Variants in RAD21 observed in about 807,000 individuals in gnomAD.
RAD21 encodes RAD21 cohesin complex component.
Under a neutral mutation model 71.5 loss-of-function variants are expected in RAD21, and 18 were observed. The ratio of observed to expected loss-of-function variants is 0.25; its 90% CI spans 0.17 to 0.37. RAD21 has a LOEUF of 0.37. Among genes scored for constraint, RAD21 ranks in the 10% least tolerant of loss-of-function variants. The probability of loss-of-function intolerance (pLI) is 1.00; values close to 1 mark genes in which losing one functional copy is unlikely to be tolerated. For missense variants in RAD21, 493 were observed against 769.1 expected (o/e 0.64, Z 4.25); for synonymous variants, 248 against 254.0 (o/e 0.98, Z 0.22).
intron 4 of RAD21, among the ~76,000 whole-genome samples, chr8:116,860,500 G>C (rs982317749): frequency 1.3e-5 from 2 of 152,156 alleles, no homozygotes; most frequent in South Asian, 2.1e-4. Context: ...ACCACCACCT[G>C]TATCAGTCAG....
chr8:116,872,541 C>T (rs914253494), intron 1 of RAD21, among the ~76,000 whole-genome samples: 1 of 78,770 alleles, frequency 1.3e-5, no homozygotes, highest in African/African-American at 4.9e-5. Context: ...TATATACATA[C>T]ACACACACAC....
chr8:116,866,102 C>T (rs1331223459), intron 2 of RAD21, among the ~76,000 whole-genome samples: 2 of 152,182 alleles, frequency 1.3e-5, no homozygotes, highest in African/African-American at 4.8e-5. Flanking sequence ...ACTCAACCCT[C>T]CATTCTCTCC....
At position 116,848,945 on chromosome 8, in the gene RAD21, C is replaced by T; in HGVS notation, c.1704+1G>A. 6.2e-7 allele frequency: 1 copy of T among 1,605,696 alleles called. No individual in the cohort carries two copies. Among genetic ancestry groups the T allele is most frequent in the Non-Finnish European group, 8.5e-7 (1 of 1,175,852 alleles). ...TTCCTCTGAGACAACAGCGGCAATACCTGAAGACCATGAAGCATCTGCTGA... is the reference window on the plus strand; with the variant it reads ...TTCCTCTGAGACAACAGCGGCAATATCTGAAGACCATGAAGCATCTGCTGA... On this transcript the variant is annotated splice_donor_variant, in intron 13 of 13. Transcript: ENST00000297338. LOFTEE classifies it high-confidence loss of function.
rs149694404 is a variant in RAD21, at chr8:116,861,428, T to C, written c.374+413A>G. On this transcript the variant is annotated intron_variant, in intron 4 of 13. Coordinates refer to ENST00000297338, the MANE Select transcript of RAD21 (RefSeq NM_006265.3). ...CATAAAAAGTTATCTCGTATGTTCA[T>C]TTAAAACAAAAATAAAAACAAACCA... 4.8e-3 allele frequency among the ~76,000 whole-genome samples: 726 copies of C among 150,648 alleles called. 8 individuals carry two copies. The highest frequency in any genetic ancestry group is 0.017 in the African/African-American group (686 of 40,940).
At chr8:116,872,539 T>TACACACACACAC (rs5894355) in intron 1 of RAD21, among the ~76,000 whole-genome samples, 7 of 148,248 alleles carry the variant, frequency 4.7e-5, no homozygotes, top group African/African-American at 1.2e-4. Flanking sequence ...TATATATACA[T>TACACACACACAC]ACACACACAC....
chr8:116,861,970 T>C, intron 3 of RAD21, 30 bp from the exon 4 acceptor site: 1 of 1,503,352 alleles, frequency 6.7e-7, no homozygotes, highest in Non-Finnish European at 9.2e-7. Context: ...CTTAAATATC[T>C]AGCTACCCAT....
intron 8 of RAD21, 53 bp downstream of exon 8, chr8:116,856,113 G>C: frequency 6.4e-7 from 1 of 1,560,574 alleles, no homozygotes; most frequent in Non-Finnish European, 8.7e-7. Context: ...GCAAAAACCA[G>C]AAATAGGACC....
chr8:116,866,916 A>G lies in RAD21; in HGVS notation c.-32-155T>C, dbSNP rs1812707095. ...TATGTATTTTAAAAACAACAGATTT[A>G]AAACAAATCTATTGTTTTAATTTTG... On this transcript the variant is annotated intron_variant, in intron 1 of 13. Coordinates refer to ENST00000297338, the MANE Select transcript of RAD21 (RefSeq NM_006265.3). The G allele has an allele frequency of 6.4e-6, 3 of 466,066 alleles. No individual in the cohort carries two copies. The South Asian group carries it at 2.2e-4, about 33-fold the overall frequency. 28.9% of individuals were successfully genotyped at this position (466,066 alleles called of 1,614,324 possible). A position where few individuals can be genotyped will look rare whatever the true frequency, so the allele number is the denominator to read the frequency against.
At chr8:116,858,538 A>G in intron 4 of RAD21, 80 bp from the exon 5 acceptor site, 1 of 1,139,628 alleles carries the variant, frequency 8.8e-7, no homozygotes, top group Non-Finnish European at 1.3e-6. Flanking sequence ...TATAAGAAAA[A>G]TTAAAAAAAT....
intron 1 of RAD21, among the ~76,000 whole-genome samples, chr8:116,868,279 G>T (rs1394093667): frequency 1.3e-5 from 2 of 152,094 alleles, no homozygotes; most frequent in African/African-American, 2.4e-5. Flanking sequence ...TGGCTTTTTG[G>T]ATCTAGCACA....
chr8:116,850,783 A>G lies in RAD21; in HGVS notation c.1471-16T>C, dbSNP rs202211817. ...CCTGCTGAGGCTTAAAGCAATACAA[A>G]TAAGACAATTTAAGATATATGCTTT... On this transcript the variant is annotated splice_polypyrimidine_tract_variant and intron_variant, in intron 11 of 13. Coordinates refer to ENST00000297338, the MANE Select transcript of RAD21 (RefSeq NM_006265.3). 107 of 1,509,324 alleles carry G rather than the reference A, an allele frequency of 7.1e-5. No homozygotes were observed. The highest frequency in any genetic ancestry group is 8.6e-5 in the Non-Finnish European group (94 of 1,089,312). The allele number at this position is 1,509,324 out of a possible 1,614,324, so 93.5% of individuals were successfully genotyped here. A position where few individuals can be genotyped will look rare whatever the true frequency, so the allele number is the denominator to read the frequency against.
chr8:116,852,488 G>A, intron 10 of RAD21, 61 bp downstream of exon 10: 1 of 1,473,830 alleles, frequency 6.8e-7, no homozygotes, highest in Non-Finnish European at 9.1e-7. Flanking sequence ...CAGTATAAAG[G>A]TAAATTTTAA....
intron 1 of RAD21, among the ~76,000 whole-genome samples, chr8:116,870,175 C>A (rs768934333): frequency 2.0e-4 from 31 of 151,994 alleles, no homozygotes; most frequent in Non-Finnish European, 3.2e-4. Flanking sequence ...AGAAAAAAAA[C>A]CAGGCTTTGT....
intron 12 of RAD21, among the ~76,000 whole-genome samples, chr8:116,850,205 C>G (rs978561619): frequency 6.6e-6 from 1 of 152,096 alleles, no homozygotes; most frequent in South Asian, 2.1e-4. Context: ...AAAAGAAAAA[C>G]AAAAACAAAA....
At chr8:116,856,566 T>A in intron 7 of RAD21, 80 bp downstream of exon 7, 1 of 1,407,620 alleles carries the variant, frequency 7.1e-7, no homozygotes. Flanking sequence ...CTACAACTTT[T>A]AGTTTGTCAT....
rs200117381 is a variant in RAD21 at position 116,847,482 on chromosome 8, T to C, written c.*18A>G. On this transcript the variant is annotated 3_prime_UTR_variant, in exon 14 of 14. Transcript: ENST00000297338. ...AAGCACTAGTGAATCAAACACTAGCTATAATGCTTCTAGCTCCTTATATAA... is the reference window on the plus strand; with the variant it reads ...AAGCACTAGTGAATCAAACACTAGCCATAATGCTTCTAGCTCCTTATATAA... The C allele has an allele frequency of 1.9e-4, 306 of 1,587,146 alleles. 1 individual carries two copies. The highest frequency in any genetic ancestry group is 9.0e-5 in the East Asian group (4 of 44,384).
chr8:116,870,608 T>C (rs566580553), intron 1 of RAD21, among the ~76,000 whole-genome samples: 2 of 152,296 alleles, frequency 1.3e-5, no homozygotes, highest in African/African-American at 4.8e-5. Context: ...ATGTTATAAA[T>C]AAAATCTAGA....
At chr8:116,861,726 A>ATAT in intron 4 of RAD21, 115 bp downstream of exon 4, 1 of 651,396 alleles carries the variant, frequency 1.5e-6, no homozygotes, top group Non-Finnish European at 2.7e-6. Context: ...ATAAATATAT[A>ATAT]TATGCATTTT....
intron 3 of RAD21, among the ~76,000 whole-genome samples, chr8:116,862,908 G>A (rs895636765): frequency 2.0e-5 from 3 of 152,100 alleles, no homozygotes; most frequent in Non-Finnish European, 4.4e-5. Context: ...AAGAACAAAT[G>A]GGGGTGAGCT....
Sources: gnomAD v4.1 joint callset for allele counts (sites outside exome capture counted in the v4.1 genomes callset) on GRCh38, gnomAD v4.1.1 for gene constraint, MANE v1.5 for transcripts, NCBI Gene and HGNC (gene_info 2026-07-23, HGNC 2026-07-21) for gene names.